Variants in RPS6KA5 observed in about 807,000 individuals in gnomAD.
RPS6KA5 encodes ribosomal protein S6 kinase alpha-5.
Under a neutral mutation model 85.5 loss-of-function variants are expected in RPS6KA5, and 27 were observed. The observed-to-expected ratio is 0.32, with a 90% CI of 0.23 to 0.44. The LOEUF is 0.44. Among genes scored for constraint, RPS6KA5 ranks in the 20% least tolerant of loss-of-function variants. RPS6KA5 has a pLI of 1.00. For missense variants in RPS6KA5, 811 were observed against 980.9 expected, an observed-to-expected ratio of 0.83 and a Z score of 2.31; for synonymous variants, 334 against 348.2, an observed-to-expected ratio of 0.96 and a Z score of 0.46.
Position 90,847,952 on chromosome 14 carries a change from G to A in RPS6KA5, c.*24122C>T, listed in dbSNP as rs905736419. On this transcript the variant is annotated 3_prime_UTR_variant, in exon 17 of 17. Transcript: ENST00000614987. The stretch of plus-strand genomic sequence containing the variant: ...AGTTGGTAAAAAGTAAGCCCTTACT[G>A]CTTTGTTAAAAATAAAACCCATACA... 3.9e-5 allele frequency: 6 copies of A among 152,152 alleles called. No individual in the cohort carries two copies. Among genetic ancestry groups the A allele is most frequent in the East Asian group, 1.9e-4 (1 of 5,196 alleles). 9.4% of individuals were successfully genotyped at this position (152,152 alleles called of 1,614,324 possible). A position where few individuals can be genotyped will look rare whatever the true frequency, so the allele number is the denominator to read the frequency against.
chr14:90,956,613 T>C (rs2038526810), intron 3 of RPS6KA5, among the ~76,000 whole-genome samples: 1 of 152,064 alleles, frequency 6.6e-6, no homozygotes, highest in Non-Finnish European at 1.5e-5. Flanking sequence ...CTTTTTTTGT[T>C]AACTGAATAT....
At chr14:90,897,763 G>A (rs1152426) in intron 12 of RPS6KA5, among the ~76,000 whole-genome samples, 5,735 of 152,280 alleles carry the variant, frequency 0.038, 365 homozygotes, top group African/African-American at 0.13. Flanking sequence ...CAGAGATCAA[G>A]TATCTTGTCT....
intron 14 of RPS6KA5, among the ~76,000 whole-genome samples, chr14:90,877,091 CAGG>C (rs1162629535): frequency 6.6e-6 from 1 of 152,070 alleles, no homozygotes; most frequent in Non-Finnish European, 1.5e-5. Context: ...CCAGATGCAG[CAGG>C]AAGAGAAACT....
intron 3 of RPS6KA5, among the ~76,000 whole-genome samples, chr14:90,975,954 T>C (rs1287939173): frequency 6.6e-6 from 1 of 152,196 alleles, no homozygotes; most frequent in East Asian, 1.9e-4. Flanking sequence ...CACGTTCCAT[T>C]CTTGACTTAG....
chr14:91,016,053 G>A (rs1296965725), intron 1 of RPS6KA5, among the ~76,000 whole-genome samples: 1 of 152,212 alleles, frequency 6.6e-6, no homozygotes, highest in Non-Finnish European at 1.5e-5. Context: ...CTAGAGCAGT[G>A]TGCAGCCCTG....
At chr14:91,017,992 C>T (rs1287668146) in intron 1 of RPS6KA5, among the ~76,000 whole-genome samples, 1 of 152,176 alleles carries the variant, frequency 6.6e-6, no homozygotes, top group Non-Finnish European at 1.5e-5. Context: ...CAGGCAATCT[C>T]CTTTGGATGT....
chr14:90,983,787 T>TTCTTTCTC (rs1376090596), intron 2 of RPS6KA5, among the ~76,000 whole-genome samples: 1 of 129,334 alleles, frequency 7.7e-6, no homozygotes, highest in Non-Finnish European at 1.6e-5. Flanking sequence ...CTTTCTTTCT[T>TTCTTTCTC]TCTCTCTCTC....
chr14:91,023,231 T>C (rs2041859462), intron 1 of RPS6KA5, among the ~76,000 whole-genome samples: 1 of 152,112 alleles, frequency 6.6e-6, no homozygotes, highest in African/African-American at 2.4e-5. Context: ...CATTGTCTAG[T>C]AGATCCTCAG....
intron 2 of RPS6KA5, among the ~76,000 whole-genome samples, chr14:90,995,536 A>T (rs983286598): frequency 6.6e-6 from 1 of 152,106 alleles, no homozygotes; most frequent in African/African-American, 2.4e-5. Flanking sequence ...GCTGTCTCCT[A>T]TATATGAAGT....
At chr14:90,936,746 T>A (rs2037280223) in intron 5 of RPS6KA5, among the ~76,000 whole-genome samples, 2 of 151,968 alleles carry the variant, frequency 1.3e-5, no homozygotes, top group Admixed American at 1.3e-4. Context: ...TATACAGAGA[T>A]AAGTATAATA....
rs1194090710 is a variant in RPS6KA5 at position 90,862,539 on chromosome 14, T to C, written c.*9535A>G. The C allele has an allele frequency of 6.6e-6, 1 of 152,108 alleles. No individual in the cohort carries two copies. The highest frequency in any genetic ancestry group is 1.5e-5 in the Non-Finnish European group (1 of 68,088). 9.4% of individuals were successfully genotyped at this position (152,108 alleles called of 1,614,324 possible). A position where few individuals can be genotyped will look rare whatever the true frequency, so the allele number is the denominator to read the frequency against. ...TGGGAGTACAGTGGTACAATCTTGG[T>C]TCACTGCAACTTCTGCTTCCTGGAC... On this transcript the variant is annotated 3_prime_UTR_variant, in exon 17 of 17. Coordinates refer to ENST00000614987, the MANE Select transcript of RPS6KA5 (RefSeq NM_004755.4).
chr14:91,002,132 G>C (rs1397453333), intron 1 of RPS6KA5, among the ~76,000 whole-genome samples: 2 of 152,138 alleles, frequency 1.3e-5, no homozygotes, highest in Non-Finnish European at 2.9e-5. Flanking sequence ...CTTAAAAGCT[G>C]TGTGACCTTG....
At chr14:90,983,837 C>CTCTCTT (rs1555372472) in intron 2 of RPS6KA5, among the ~76,000 whole-genome samples, 1 of 137,782 alleles carries the variant, frequency 7.3e-6, no homozygotes, top group Non-Finnish European at 1.5e-5. Context: ...CTCTCTCTCT[C>CTCTCTT]TCTTTCTTTT....
intron 1 of RPS6KA5, among the ~76,000 whole-genome samples, chr14:91,006,225 G>GT (rs1342179119): frequency 6.6e-6 from 1 of 152,072 alleles, no homozygotes; most frequent in Non-Finnish European, 1.5e-5. Context: ...GGCCTCTTTG[G>GT]TTTTTTTGCC....
chr14:90,993,381 A>G (rs1192323866), intron 2 of RPS6KA5, among the ~76,000 whole-genome samples: 1 of 152,190 alleles, frequency 6.6e-6, no homozygotes, highest in Non-Finnish European at 1.5e-5. Context: ...CGGAGGTTAC[A>G]GTGAGCTAAG....
intron 2 of RPS6KA5, among the ~76,000 whole-genome samples, chr14:90,980,524 C>T (rs1479104203): frequency 1.3e-5 from 2 of 152,224 alleles, no homozygotes; most frequent in African/African-American, 4.8e-5. Flanking sequence ...CATCTGAGTA[C>T]TTGTCAGGCA....
chr14:90,978,625 T>G, intron 2 of RPS6KA5, 101 bp from the exon 3 acceptor site: 1 of 877,572 alleles, frequency 1.1e-6, no homozygotes, highest in Non-Finnish European at 1.7e-6. Context: ...AATACACTCT[T>G]TAAAGGAAAA....
intron 1 of RPS6KA5, among the ~76,000 whole-genome samples, chr14:91,046,169 C>T (rs2042863157): frequency 2.0e-5 from 3 of 152,266 alleles, no homozygotes; most frequent in East Asian, 3.9e-4. Flanking sequence ...TAAGGTCTCT[C>T]TCTTAGGTAT....
At chr14:91,011,359 G>A (rs186235635) in intron 1 of RPS6KA5, among the ~76,000 whole-genome samples, 17 of 152,084 alleles carry the variant, frequency 1.1e-4, no homozygotes, top group Non-Finnish European at 2.9e-5. Flanking sequence ...GGTGGCAGGC[G>A]CCTGTAGTCC....
Sources: allele counts gnomAD v4.1 joint callset (sites outside exome capture counted in the v4.1 genomes callset), GRCh38; gene constraint gnomAD v4.1.1; transcripts MANE v1.5; gene names NCBI Gene and HGNC (gene_info 2026-07-23, HGNC 2026-07-21).